The following KIAA0513 variants were observed in gnomAD, a reference collection of about 807,000 sequenced individuals.
KIAA0513 encodes KIAA0513, also known as uncharacterized protein KIAA0513.
KIAA0513 carries 39 observed loss-of-function variants against 56.5 expected under a neutral mutation model. That is an observed-to-expected ratio of 0.69 (90% CI 0.53 to 0.90). The LOEUF is 0.90. Ranked by LOEUF, KIAA0513 falls within the 40% of genes least tolerant of loss-of-function variation. The pLI, the probability that KIAA0513 is intolerant of heterozygous loss-of-function variation, is 0.00. For missense variants in KIAA0513, 591 were observed against 535.2 expected, an observed-to-expected ratio of 1.10 and a Z score of -1.03; for synonymous variants, 268 against 215.6, an observed-to-expected ratio of 1.24 and a Z score of -2.13.
rs781740925 is a variant in KIAA0513 at position 85,081,338 on chromosome 16, C to T, written c.926C>T (p.Ala309Val). ...AGGCACACTCTGAGGTTCTGGAATG[C>T]AGCCTTTTTTGACGCTGTCCATTGT... ...PIWHTLRFWN[A>V]AFFDAVHCER... The change falls in exon 9 of 13, where the codon GCA becomes GTA. Residue 309 changes from alanine to valine, a missense_variant. Transcript: ENST00000683363. This position sits in a 1 kb window ranked among gnomAD's most constrained non-coding sequence, Gnocchi z 4.4. The T allele has an allele frequency of 1.2e-6, 2 of 1,608,204 alleles. No individual in the cohort carries two copies. The highest frequency in any genetic ancestry group is 1.1e-5 in the South Asian group (1 of 89,758).
intron 1 of KIAA0513, among the ~76,000 whole-genome samples, chr16:85,036,484 T>C (rs149339765): frequency 6.6e-6 from 1 of 152,204 alleles, no homozygotes; most frequent in African/African-American, 2.4e-5. Flanking sequence ...GTAGCACGTG[T>C]CCATCCTTTG....
At chr16:85,070,564 G>A (rs1249588627) in intron 2 of KIAA0513, among the ~76,000 whole-genome samples, 1 of 152,140 alleles carries the variant, frequency 6.6e-6, no homozygotes, top group African/African-American at 2.4e-5. Flanking sequence ...TGTAATCCCT[G>A]CTACTCGGGA....
At chr16:85,048,303 C>G (rs561063438) in intron 1 of KIAA0513, among the ~76,000 whole-genome samples, 3 of 152,190 alleles carry the variant, frequency 2.0e-5, no homozygotes, top group South Asian at 4.1e-4. Context: ...AGCACGCGAG[C>G]CTATCCTTTC....
intron 1 of KIAA0513, among the ~76,000 whole-genome samples, chr16:85,061,186 G>A (rs1225733542): frequency 6.6e-6 from 1 of 151,882 alleles, no homozygotes; most frequent in Non-Finnish European, 1.5e-5. Context: ...AAAAGTTTCA[G>A]GTAAAAGCCC....
At chr16:85,062,856 A>G (rs952876451) in intron 1 of KIAA0513, among the ~76,000 whole-genome samples, 33 of 152,178 alleles carry the variant, frequency 2.2e-4, no homozygotes, top group African/African-American at 6.5e-4. Flanking sequence ...TGACCCTGCA[A>G]TGTGAGAGTG....
At chr16:85,068,917 G>A (rs1200183574) in intron 2 of KIAA0513, among the ~76,000 whole-genome samples, 2 of 152,124 alleles carry the variant, frequency 1.3e-5, no homozygotes, top group Admixed American at 6.5e-5. Context: ...ACTCCCTAGC[G>A]CTCCTTGTCA....
chr16:85,085,540 G>A (rs989013940), intron 10 of KIAA0513, among the ~76,000 whole-genome samples: 5 of 152,214 alleles, frequency 3.3e-5, no homozygotes, highest in Non-Finnish European at 5.9e-5. Flanking sequence ...GGGGGAAAGG[G>A]GCTCAAATTA....
chr16:85,041,557 A>G (rs975132428), intron 1 of KIAA0513, among the ~76,000 whole-genome samples: 23 of 152,186 alleles, frequency 1.5e-4, no homozygotes, highest in Admixed American at 1.5e-3. Context: ...AGTGCTTGAT[A>G]GGGGCTTCAA....
rs771160357 is a variant in KIAA0513 at position 85,067,382 on chromosome 16, A to G, written c.311A>G (p.Glu104Gly). The G allele has an allele frequency of 9.4e-6, 15 of 1,602,972 alleles. No homozygotes were observed. Among genetic ancestry groups the G allele is most frequent in the Non-Finnish European group, 1.2e-5 (14 of 1,179,490 alleles). Residue 104 changes from glutamate to glycine, a missense_variant, in exon 2 of 13, where the codon GAG (glutamate) becomes GGG (glycine). Physicochemically the swap from Glu to Gly is moderately conservative, Grantham distance 98. Transcript: ENST00000683363. ...AGGGACTTCATGCGTGGCTACGTGG[A>G]GAAGATCTTCTCTGGAGGGTAAGGG... ...ALRDFMRGYV[E>G]KIFSGGEDLD... is the part of the protein sequence containing the mutation.
At chr16:85,043,974 G>A (rs1007468956) in intron 1 of KIAA0513, among the ~76,000 whole-genome samples, 1 of 152,208 alleles carries the variant, frequency 6.6e-6, no homozygotes, top group Admixed American at 6.5e-5. Context: ...AGGTTGTGGT[G>A]AGTGGAGATT....
intron 1 of KIAA0513, among the ~76,000 whole-genome samples, chr16:85,031,731 C>G (rs1409692084): frequency 3.3e-5 from 5 of 152,226 alleles, no homozygotes; most frequent in Admixed American, 6.5e-5. Context: ...TCCTGTCATT[C>G]AGGTCACTGC....
At position 85,091,996 on chromosome 16, in the gene KIAA0513, G is replaced by T. The variant is rs1007885111; in HGVS notation, c.*3671G>T. The T allele has an allele frequency of 6.7e-6, 1 of 149,050 alleles. No individual in the cohort carries two copies. Among genetic ancestry groups the T allele is most frequent in the Non-Finnish European group, 1.5e-5 (1 of 68,004 alleles). 9.2% of individuals were successfully genotyped at this position (149,050 alleles called of 1,614,324 possible). The stretch of plus-strand genomic sequence containing the variant: ...TTGCTCTTGTTGCCCAGGCTGGAGT[G>T]CAGTGACACAATCTCTACTCACTGC... On this transcript the variant is annotated 3_prime_UTR_variant, in exon 13 of 13. Transcript: ENST00000683363.
chr16:85,046,380 G>C (rs1456723620), intron 1 of KIAA0513, among the ~76,000 whole-genome samples: 2 of 152,290 alleles, frequency 1.3e-5, no homozygotes, highest in East Asian at 3.9e-4. Context: ...TTGGGGCTCC[G>C]ATATTGCGAA....
chr16:85,074,332 A>G (rs1454266968), intron 4 of KIAA0513, among the ~76,000 whole-genome samples: 1 of 138,490 alleles, frequency 7.2e-6, no homozygotes, highest in Non-Finnish European at 1.6e-5. Context: ...ACACACGTAT[A>G]TATACACACA....
rs984402513 is a variant in KIAA0513 at position 85,090,379 on chromosome 16, G to A, written c.*2054G>A. 6.6e-6 allele frequency: 1 copy of A among 152,154 alleles called. No individual in the cohort carries two copies. Among genetic ancestry groups the A allele is most frequent in the African/African-American group, 2.4e-5 (1 of 41,438 alleles). The allele number at this position is 152,154 out of a possible 1,614,324, so 9.4% of individuals were successfully genotyped here. A position where few individuals can be genotyped will look rare whatever the true frequency, so the allele number is the denominator to read the frequency against. ...ATGCATTCAGACTTTGTTCTGCGGT[G>A]CCCACAGGACTTACCCCTGTATGTA... On this transcript the variant is annotated 3_prime_UTR_variant, in exon 13 of 13. Transcript: ENST00000683363.
At position 85,082,456 on chromosome 16, in the gene KIAA0513, C is replaced by T. The variant is rs141907351; in HGVS notation, c.981-108C>T. ...ATTCCTGTCTTTCTCTGTCCCGCTC[C>T]GTTTCTGCCTGTAATAACCCTCCTC... On this transcript the variant is annotated intron_variant, in intron 9 of 12. Transcript: ENST00000683363. 2.6e-5 allele frequency: 27 copies of T among 1,040,182 alleles called. No individual in the cohort carries two copies. In the East Asian group the frequency reaches 4.3e-4, roughly 17 times the overall value. The allele number at this position is 1,040,182 out of a possible 1,614,324, so 64.4% of individuals were successfully genotyped here.
chr16:85,050,254 T>G (rs1286520587), intron 1 of KIAA0513, among the ~76,000 whole-genome samples: 10 of 152,080 alleles, frequency 6.6e-5, no homozygotes, highest in African/African-American at 2.4e-4. Flanking sequence ...GTGACTTGAG[T>G]TGGGACTTAG....
intron 1 of KIAA0513, among the ~76,000 whole-genome samples, chr16:85,049,323 C>A (rs1019695898): frequency 6.6e-6 from 1 of 152,208 alleles, no homozygotes; most frequent in African/African-American, 2.4e-5. Context: ...TAGCTTTGGC[C>A]CTTCATGGGG....
chr16:85,082,472 A>G, intron 9 of KIAA0513, 92 bp from the exon 10 acceptor site: 2 of 1,248,364 alleles, frequency 1.6e-6, no homozygotes, highest in Non-Finnish European at 2.3e-6. Flanking sequence ...TGCCTGTAAT[A>G]ACCCTCCTCT....
Sources: gnomAD v4.1 joint callset for allele counts (sites outside exome capture counted in the v4.1 genomes callset) on GRCh38, gnomAD v4.1.1 for gene constraint, Gnocchi (gnomAD v3.1) non-coding constraint, MANE v1.5 for transcripts, NCBI Gene and HGNC (gene_info 2026-07-23, HGNC 2026-07-21) for gene names.